The following RUNX1 variants were observed in gnomAD, a reference collection of about 807,000 sequenced individuals.
RUNX1 encodes the protein RUNX family transcription factor 1, also known as runt-related transcription factor 1.
Under a neutral mutation model 42.8 loss-of-function variants are expected in RUNX1, and 19 were observed. The ratio of observed to expected loss-of-function variants is 0.44; its 90% CI spans 0.31 to 0.65. The LOEUF is 0.65. Ranked by LOEUF, RUNX1 falls within the 30% of genes least tolerant of loss-of-function variation. The probability of loss-of-function intolerance (pLI) is 0.07; values close to 1 mark genes in which losing one functional copy is unlikely to be tolerated. For synonymous variants in RUNX1, 271 were observed against 289.4 expected (o/e 0.94, Z 0.64); for missense variants, 528 against 672.0 (o/e 0.79, Z 2.37).
Position 34,871,926 on chromosome 21 carries a change from C to A in RUNX1, c.508+8631G>T, listed in dbSNP as rs572803897. On this transcript the variant is annotated intron_variant, in intron 5 of 8. Coordinates refer to ENST00000675419, the MANE Select transcript of RUNX1 (RefSeq NM_001754.5). Reference sequence around the variant, plus strand: ...TGGCATAATCTCGGCTCACTGCAACCTCCGCCTCCCTGGTTCAAGCAATTT... The same window carrying A: ...TGGCATAATCTCGGCTCACTGCAACATCCGCCTCCCTGGTTCAAGCAATTT... Among the ~76,000 whole-genome samples, 10 of 151,942 alleles carry A rather than the reference C, an allele frequency of 6.6e-5. 1 individual carries two copies. The South Asian group carries it at 2.1e-3, about 32-fold the overall frequency.
chr21:35,015,505 T>C (rs969745696), intron 2 of RUNX1, among the ~76,000 whole-genome samples: 1 of 152,176 alleles, frequency 6.6e-6, no homozygotes, highest in Non-Finnish European at 1.5e-5. Flanking sequence ...AAACTCGTCC[T>C]ACTCGCCAAT....
At chr21:34,833,823 C>T (rs1601413973) in intron 7 of RUNX1, 3 of 212,546 alleles carry the variant, frequency 1.4e-5, no homozygotes, top group South Asian at 7.6e-5. Context: ...CATCTTACAG[C>T]GCTTTAGTAA....
intron 3 of RUNX1, chr21:34,887,655 C>A (rs1034050357): frequency 3.7e-6 from 4 of 1,078,244 alleles, no homozygotes; most frequent in East Asian, 9.7e-5. Flanking sequence ...AAAGCAAGAG[C>A]TGAGACTTCC....
intron 2 of RUNX1, among the ~76,000 whole-genome samples, chr21:35,021,470 TTAAA>T (rs1260507133): frequency 6.6e-6 from 1 of 152,252 alleles, no homozygotes; most frequent in African/African-American, 2.4e-5. Flanking sequence ...ACATAGTCAC[TTAAA>T]TACACTATGA....
At chr21:35,018,635 T>C (rs1412379599) in intron 2 of RUNX1, among the ~76,000 whole-genome samples, 2 of 152,192 alleles carry the variant, frequency 1.3e-5, no homozygotes. Context: ...CTTGGGGGAA[T>C]TAAATAAGGC....
At chr21:34,846,234 T>C (rs2057314778) in intron 6 of RUNX1, among the ~76,000 whole-genome samples, 1 of 140,180 alleles carries the variant, frequency 7.1e-6, no homozygotes, top group Non-Finnish European at 1.5e-5. Flanking sequence ...GCCAAAGTCA[T>C]GGGAACTCTA....
chr21:34,806,515 A>G (rs1012742582), intron 7 of RUNX1, among the ~76,000 whole-genome samples: 1 of 152,246 alleles, frequency 6.6e-6, no homozygotes, highest in African/African-American at 2.4e-5. Context: ...ACGGAGAAAT[A>G]GGTAAATACG....
At chr21:34,959,713 G>A (rs906174314) in intron 2 of RUNX1, among the ~76,000 whole-genome samples, 2 of 151,722 alleles carry the variant, frequency 1.3e-5, no homozygotes, top group African/African-American at 4.8e-5. Flanking sequence ...CTGAGTACCT[G>A]AGGGAGAAAG....
chr21:34,792,064 G>C lies in RUNX1; in HGVS notation c.*71C>G, dbSNP rs1283174027. On this transcript the variant is annotated 3_prime_UTR_variant, in exon 9 of 9. Transcript: ENST00000675419. This position sits in a 1 kb window ranked among gnomAD's most constrained non-coding sequence, Gnocchi z 6.9. ...CCCGGGATCCCGGCGGGCTTGTCGCGAACAGGAGGCCCGCGCGCCCGGAGG... is the reference window on the plus strand; with the variant it reads ...CCCGGGATCCCGGCGGGCTTGTCGCCAACAGGAGGCCCGCGCGCCCGGAGG... 1.9e-6 allele frequency: 2 copies of C among 1,029,570 alleles called. No homozygotes were observed. Among genetic ancestry groups the C allele is most frequent in the South Asian group, 2.0e-5 (1 of 50,606 alleles). The allele number at this position is 1,029,570 out of a possible 1,614,324, so 63.8% of individuals were successfully genotyped here.
intron 2 of RUNX1, among the ~76,000 whole-genome samples, chr21:34,932,943 C>T (rs2058458675): frequency 6.6e-6 from 1 of 152,222 alleles, no homozygotes; most frequent in Non-Finnish European, 1.5e-5. Context: ...CTTCTTATTG[C>T]ATGTGCATCC....
chr21:34,788,989 T>TAATC lies in RUNX1; in HGVS notation c.*3142_*3145dup. On this transcript the variant is annotated 3_prime_UTR_variant, in exon 9 of 9. Coordinates refer to ENST00000675419, the MANE Select transcript of RUNX1 (RefSeq NM_001754.5). ...TGAGTGGAACCATTCATTTCCTTTC[T>TAATC]AATCAGAGCATTTCTGTTTATCTGC... 1 of 233,352 alleles carries TAATC rather than the reference T, an allele frequency of 4.3e-6. No homozygotes were observed. 14.5% of individuals were successfully genotyped at this position (233,352 alleles called of 1,614,324 possible).
chr21:34,893,770 GTTTTTT>G (rs67786578), intron 2 of RUNX1, among the ~76,000 whole-genome samples: 3 of 137,614 alleles, frequency 2.2e-5, no homozygotes, highest in African/African-American at 8.7e-5. Flanking sequence ...TTAGTATGCT[GTTTTTT>G]TTTTTTTAAA....
At chr21:34,879,299 T>C (rs2057861640) in intron 5 of RUNX1, among the ~76,000 whole-genome samples, 1 of 152,232 alleles carries the variant, frequency 6.6e-6, no homozygotes, top group Non-Finnish European at 1.5e-5. Flanking sequence ...TTCTTTGCAT[T>C]ACCCTATTAT....
chr21:34,906,365 G>A (rs532335206), intron 2 of RUNX1, among the ~76,000 whole-genome samples: 33 of 152,190 alleles, frequency 2.2e-4, no homozygotes, highest in Non-Finnish European at 3.5e-4. Flanking sequence ...AAAAGCAAAA[G>A]CCTTATTTGT....
Position 34,789,323 on chromosome 21 carries a change from G to A in RUNX1, c.*2812C>T. On this transcript the variant is annotated 3_prime_UTR_variant, in exon 9 of 9. Coordinates refer to ENST00000675419, the MANE Select transcript of RUNX1 (RefSeq NM_001754.5). ...GAAGATAGAGGAAGAGAGAAAAAAA[G>A]GGAGATATTGGGGGGAAGAGAGGGA... 4.3e-6 allele frequency: 1 copy of A among 233,542 alleles called. No homozygotes were observed. The highest frequency in any genetic ancestry group is 6.0e-5 in the East Asian group (1 of 16,590). The allele number at this position is 233,542 out of a possible 1,614,324, so 14.5% of individuals were successfully genotyped here.
chr21:34,799,200 G>T, intron 8 of RUNX1, 101 bp downstream of exon 8: 2 of 1,297,284 alleles, frequency 1.5e-6, no homozygotes, highest in Non-Finnish European at 2.2e-6. Flanking sequence ...TTTAAACCAT[G>T]TTTTACTCAA....
At chr21:34,951,550 C>G (rs1007967754) in intron 2 of RUNX1, among the ~76,000 whole-genome samples, 2 of 152,098 alleles carry the variant, frequency 1.3e-5, no homozygotes, top group Non-Finnish European at 2.9e-5. Context: ...ACAAACAACA[C>G]CATCAAAAAG....
At position 34,843,625 on chromosome 21, in the gene RUNX1, T is replaced by C. The variant is rs1166217702; in HGVS notation, c.614-9024A>G. 6.6e-6 allele frequency among the ~76,000 whole-genome samples: 1 copy of C among 151,810 alleles called. No homozygotes were observed. Among genetic ancestry groups the C allele is most frequent in the Non-Finnish European group, 1.5e-5 (1 of 67,956 alleles). ...AAGGCTGGCCAACGCCAAGGCAAGATCAACAACCAATACAACTTCAAGCCA... is the reference window on the plus strand; with the variant it reads ...AAGGCTGGCCAACGCCAAGGCAAGACCAACAACCAATACAACTTCAAGCCA... On this transcript the variant is annotated intron_variant, in intron 6 of 8. Transcript: ENST00000675419. This position sits in a 1 kb window ranked among gnomAD's most constrained non-coding sequence, Gnocchi z 4.8.
chr21:34,956,007 A>G (rs2058641291), intron 2 of RUNX1, among the ~76,000 whole-genome samples: 2 of 152,344 alleles, frequency 1.3e-5, no homozygotes, highest in South Asian at 4.1e-4. Context: ...AAGTATAAAA[A>G]TAAATTCAGC....
Sources: allele counts gnomAD v4.1 joint callset (sites outside exome capture counted in the v4.1 genomes callset), GRCh38; gene constraint gnomAD v4.1.1; non-coding constraint Gnocchi (gnomAD v3.1); transcripts MANE v1.5; gene names NCBI Gene and HGNC (gene_info 2026-07-23, HGNC 2026-07-21).